Variants in GMCL1 observed in about 807,000 individuals in gnomAD.
The protein encoded by GMCL1 is germ cell-less protein-like 1.
In GMCL1, 54 loss-of-function variants were observed where a neutral mutation model predicts 75.5. The ratio of observed to expected loss-of-function variants is 0.71; its 90% CI spans 0.57 to 0.90. The LOEUF (loss-of-function observed/expected upper bound fraction) is 0.90, where lower values mean the gene tolerates loss of function less well. Among genes scored for constraint, GMCL1 ranks in the 40% least tolerant of loss-of-function variants. The pLI is 0.00. For missense variants in GMCL1, 537 were observed against 622.7 expected (o/e 0.86, Z 1.47); for synonymous variants, 210 against 209.6 (o/e 1.00, Z -0.02).
chr2:69,849,810 C>T (rs1178313656), intron 8 of GMCL1, 68 bp downstream of exon 8: 51 of 881,918 alleles, frequency 5.8e-5, no homozygotes, highest in Non-Finnish European at 8.7e-5. Context: ...CCCATGAGAA[C>T]AGAAAATAAA....
At chr2:69,870,542 C>T (rs886263178) in intron 12 of GMCL1, among the ~76,000 whole-genome samples, 3 of 152,054 alleles carry the variant, frequency 2.0e-5, no homozygotes, top group African/African-American at 7.2e-5. Flanking sequence ...ACTTGTGTAT[C>T]AGAGGACAGT....
At chr2:69,869,417 C>CA (rs34136837) in intron 11 of GMCL1, 2,230 of 63,680 alleles carry the variant, frequency 0.035, 50 homozygotes, top group Non-Finnish European at 0.044. Flanking sequence ...GACTCTGTCT[C>CA]AAAAAAAAAA....
intron 11 of GMCL1, among the ~76,000 whole-genome samples, chr2:69,866,341 CTAAT>C (rs961254839): frequency 9.9e-5 from 15 of 151,908 alleles, no homozygotes; most frequent in African/African-American, 2.4e-4. Flanking sequence ...TCCCCCCTAA[CTAAT>C]CATAATTTTT....
chr2:69,837,484 A>G, intron 1 of GMCL1, 63 bp from the exon 2 acceptor site: 1 of 1,218,456 alleles, frequency 8.2e-7, no homozygotes, highest in Non-Finnish European at 1.1e-6. Context: ...TTAGAAATAT[A>G]TGCAAAATCA....
chr2:69,847,528 A>C lies in GMCL1; in HGVS notation c.759-15A>C. Reference sequence around the variant, plus strand: ...GCCTAAAGATAAGCTCACTCCCTCTATTTATCCTTTTCAGTATAAATGTCA... The same window carrying C: ...GCCTAAAGATAAGCTCACTCCCTCTCTTTATCCTTTTCAGTATAAATGTCA... On this transcript the variant is annotated splice_polypyrimidine_tract_variant and intron_variant, in intron 6 of 13. Coordinates refer to ENST00000282570, the MANE Select transcript of GMCL1 (RefSeq NM_178439.5). 1 of 1,542,202 alleles carries C rather than the reference A, an allele frequency of 6.5e-7. No homozygotes were observed. The highest frequency in any genetic ancestry group is 9.0e-7 in the Non-Finnish European group (1 of 1,115,056).
Position 69,871,771 on chromosome 2 carries a change from G to C in GMCL1, c.1391G>C (p.Ser464Thr). The change falls in exon 13 of 14, where the codon AGT becomes ACT. Residue 464 changes from serine (S) to threonine (T), a missense_variant. Physicochemically the swap from Ser to Thr is moderately conservative, Grantham distance 58. Around this residue, in one of 3 missense-constraint regions of GMCL1, gnomAD observed 345 missense variants for 410.5 expected, o/e 0.84. Coordinates refer to ENST00000282570, the MANE Select transcript of GMCL1 (RefSeq NM_178439.5). Reference protein sequence around the residue: ...FRLRLASFDSSGKLICSRTTG... With the variant: ...FRLRLASFDSTGKLICSRTTG... The stretch of plus-strand genomic sequence containing the variant: ...TTACGTTTGGCTTCTTTTGATAGTA[G>C]TGGAAAACTAATATGTAGTAGAACA... 1 of 1,580,672 alleles carries C rather than the reference G, an allele frequency of 6.3e-7. No homozygotes were observed. The highest frequency in any genetic ancestry group is 8.6e-7 in the Non-Finnish European group (1 of 1,159,808).
chr2:69,873,113 G>A (rs982393911), intron 13 of GMCL1, among the ~76,000 whole-genome samples: 1 of 152,186 alleles, frequency 6.6e-6, no homozygotes. Context: ...GGTTATTGGA[G>A]GAGGAGGAGA....
Position 69,861,269 on chromosome 2 carries a change from A to T in GMCL1, c.1073-9A>T. 6.4e-7 allele frequency: 1 copy of T among 1,574,768 alleles called. No individual in the cohort carries two copies. Among genetic ancestry groups the T allele is most frequent in the Non-Finnish European group, 8.7e-7 (1 of 1,150,090 alleles). ...TATTTATTATTATTAATTTATTCTT[A>T]CATTTCAGAATGGCTCTCTTCTGTG... is the stretch of plus-strand genomic sequence containing the variant. On this transcript the variant is annotated splice_polypyrimidine_tract_variant and intron_variant, in intron 9 of 13. Transcript: ENST00000282570.
chr2:69,864,071 C>T lies in GMCL1; in HGVS notation c.1143-829C>T, dbSNP rs150395351. 4.5e-3 allele frequency among the ~76,000 whole-genome samples: 685 copies of T among 152,150 alleles called. 7 individuals are homozygous for T. The highest frequency in any genetic ancestry group is 0.014 in the African/African-American group (589 of 41,518). ...TTCATGTGCTTAACATCACAAACCA[C>T]AAATTATTAATATTATTATAATTAA... On this transcript the variant is annotated intron_variant, in intron 10 of 13. Transcript: ENST00000282570.
chr2:69,866,341 C>T (rs930889169), intron 11 of GMCL1, among the ~76,000 whole-genome samples: 2 of 151,908 alleles, frequency 1.3e-5, no homozygotes, highest in African/African-American at 4.8e-5. Context: ...TCCCCCCTAA[C>T]TAATCATAAT....
chr2:69,874,097 A>G (rs1044689910), intron 13 of GMCL1, among the ~76,000 whole-genome samples: 1 of 151,320 alleles, frequency 6.6e-6, no homozygotes, highest in Non-Finnish European at 1.5e-5. Flanking sequence ...GTTGTTTCTC[A>G]TTTTTTTTCA....
chr2:69,858,128 G>C (rs1439564576), intron 9 of GMCL1, among the ~76,000 whole-genome samples: 1 of 152,160 alleles, frequency 6.6e-6, no homozygotes, highest in Non-Finnish European at 1.5e-5. Flanking sequence ...TCAGATCCGT[G>C]ACGCTGTCAA....
intron 9 of GMCL1, among the ~76,000 whole-genome samples, chr2:69,855,358 C>T (rs984526980): frequency 6.6e-6 from 1 of 151,686 alleles, no homozygotes; most frequent in African/African-American, 2.4e-5. Context: ...AAGTCTTAAA[C>T]TTCATGTTGA....
Position 69,871,726 on chromosome 2 carries a change from A to ATT in GMCL1, c.1365-10_1365-9dup. ...TTTAAAAATCTTGTGTTTATTTTTT[A>ATT]TTTTTTTTTTAATCCTAGATTACGT... On this transcript the variant is annotated intron_variant, in intron 12 of 13. Transcript: ENST00000282570. 3 of 1,227,682 alleles carry ATT rather than the reference A, an allele frequency of 2.4e-6. No individual in the cohort carries two copies. Among genetic ancestry groups the ATT allele is most frequent in the Non-Finnish European group, 3.4e-6 (3 of 879,174 alleles). 76.0% of individuals were successfully genotyped at this position (1,227,682 alleles called of 1,614,324 possible).
intron 13 of GMCL1, among the ~76,000 whole-genome samples, chr2:69,872,432 C>G (rs1377385659): frequency 1.3e-5 from 2 of 152,158 alleles, no homozygotes; most frequent in Non-Finnish European, 2.9e-5. Flanking sequence ...AACTTTATTT[C>G]TATTAAAAGT....
chr2:69,849,444 T>G (rs1024119227), intron 7 of GMCL1, among the ~76,000 whole-genome samples: 2 of 152,180 alleles, frequency 1.3e-5, no homozygotes, highest in African/African-American at 4.8e-5. Flanking sequence ...GGATTATAGG[T>G]GTGAGCCACA....
At chr2:69,856,053 A>C (rs1675458511) in intron 9 of GMCL1, among the ~76,000 whole-genome samples, 1 of 152,188 alleles carries the variant, frequency 6.6e-6, no homozygotes, top group Non-Finnish European at 1.5e-5. Context: ...GTTCAGTATA[A>C]AATCAGAAAG....
intron 8 of GMCL1, among the ~76,000 whole-genome samples, chr2:69,852,148 A>C (rs1015424628): frequency 1.3e-5 from 2 of 152,232 alleles, no homozygotes; most frequent in African/African-American, 2.4e-5. Context: ...AAAGAGACTC[A>C]GTAGAAACAG....
At chr2:69,862,332 A>C (rs963804969) in intron 10 of GMCL1, among the ~76,000 whole-genome samples, 1 of 152,176 alleles carries the variant, frequency 6.6e-6, no homozygotes, top group South Asian at 2.1e-4. Context: ...CCTAACAGTA[A>C]GTGTATGAAA....
Sources: allele counts gnomAD v4.1 joint callset (sites outside exome capture counted in the v4.1 genomes callset), GRCh38; gene constraint gnomAD v4.1.1; regional missense constraint gnomAD v4.1.1; transcripts MANE v1.5; gene names NCBI Gene and HGNC (gene_info 2026-07-23, HGNC 2026-07-21).